TNNI3K: variants seen among roughly 807,000 people sequenced by gnomAD.
TNNI3K encodes TNNI3 interacting kinase.
Under a neutral mutation model 114.5 loss-of-function variants are expected in TNNI3K, and 140 were observed. The ratio of observed to expected loss-of-function variants is 1.22; its 90% confidence interval spans 1.07 to 1.41. The LOEUF (loss-of-function observed/expected upper bound fraction) is 1.41, where lower values mean the gene tolerates loss of function less well. TNNI3K is among the 40% of genes most tolerant of loss of function. The pLI is 0.00. For missense variants in TNNI3K, 1,125 were observed against 1,007.6 expected, an observed-to-expected ratio of 1.12 and a Z score of -1.58; for synonymous variants, 347 against 347.5, an observed-to-expected ratio of 1.00 and a Z score of 0.02.
chr1:74,350,433 A>G (rs902798861), intron 9 of TNNI3K, among the ~76,000 whole-genome samples: 1 of 152,150 alleles, frequency 6.6e-6, no homozygotes, highest in African/African-American at 2.4e-5. Context: ...GCTGAAAAGA[A>G]TGTATATTCT....
At chr1:74,540,564 T>C (rs560721083) in intron 24 of TNNI3K, among the ~76,000 whole-genome samples, 26 of 151,632 alleles carry the variant, frequency 1.7e-4, no homozygotes, top group Admixed American at 1.4e-3. Flanking sequence ...TGTGAGTGCC[T>C]GTATGTGTTT....
chr1:74,470,001 C>G, intron 21 of TNNI3K: 1 of 400,704 alleles, frequency 2.5e-6, no homozygotes, highest in East Asian at 3.6e-5. Flanking sequence ...CATTTTCTGC[C>G]TCAAAACTGT....
chr1:74,388,698 G>A (rs1351544213), intron 17 of TNNI3K, among the ~76,000 whole-genome samples: 1 of 152,022 alleles, frequency 6.6e-6, no homozygotes, highest in Middle Eastern at 3.2e-3. Flanking sequence ...ATATAACAAG[G>A]AAAACGGTTC....
intron 9 of TNNI3K, among the ~76,000 whole-genome samples, chr1:74,344,235 A>G (rs570258732): frequency 6.6e-6 from 1 of 152,336 alleles, no homozygotes; most frequent in African/African-American, 2.4e-5. Flanking sequence ...TAAAACCACC[A>G]TTTATGGAAT....
In TNNI3K at chr1:74,342,973, AC is replaced by A. The variant is rs1291679708; in HGVS notation, c.819del (p.Leu274TyrfsTer25). ...TCATGTTGTTAATATCTATGGAGAT[AC>A]CCCCTTACACCTGTGAGTATTATGT... Reference protein sequence around the residue: ...QPHVVNIYGDTPLHLACYNGK... With the variant: ...QPHVVNIYGDXPLHLACYNGK... On this transcript the variant is annotated frameshift_variant, in exon 8 of 25. Transcript: ENST00000326637. LOFTEE classifies it high-confidence loss of function. 3 of 1,613,808 alleles carry A rather than the reference AC, an allele frequency of 1.9e-6. No individual in the cohort carries two copies. Among genetic ancestry groups the A allele is most frequent in the South Asian group, 1.1e-5 (1 of 91,068 alleles).
chr1:74,538,007 A>T (rs1026239124), intron 23 of TNNI3K, among the ~76,000 whole-genome samples: 1 of 152,194 alleles, frequency 6.6e-6, no homozygotes, highest in East Asian at 1.9e-4. Context: ...ACTTGCCAAG[A>T]TAGTAAGTGA....
intron 21 of TNNI3K, chr1:74,470,914 T>C (rs1268697769): frequency 2.5e-6 from 1 of 400,614 alleles, no homozygotes; most frequent in East Asian, 3.6e-5. Flanking sequence ...CTCAGTGGAC[T>C]CCGTTGTCCC....
At chr1:74,524,805 G>A (rs1236894049) in intron 23 of TNNI3K, among the ~76,000 whole-genome samples, 2 of 152,116 alleles carry the variant, frequency 1.3e-5, no homozygotes, top group African/African-American at 4.8e-5. Context: ...GCCTCATGAA[G>A]GGGGACAGGC....
chr1:74,428,377 CAAA>C (rs564457767), intron 17 of TNNI3K, among the ~76,000 whole-genome samples: 99 of 152,162 alleles, frequency 6.5e-4, no homozygotes, highest in African/African-American at 2.3e-3. Flanking sequence ...TATATGAAGT[CAAA>C]CTAGGGTTGT....
chr1:74,248,968 G>T (rs376458875), intron 2 of TNNI3K, among the ~76,000 whole-genome samples: 4 of 152,150 alleles, frequency 2.6e-5, no homozygotes, highest in South Asian at 4.2e-4. Flanking sequence ...CAAAGGGGAA[G>T]GTCTTTCTTG....
chr1:74,269,985 A>C (rs532763996), intron 4 of TNNI3K, among the ~76,000 whole-genome samples: 1 of 151,976 alleles, frequency 6.6e-6, no homozygotes, highest in East Asian at 1.9e-4. Flanking sequence ...GAGAAGAAAG[A>C]GATGATCTAA....
At chr1:74,261,698 C>T (rs1570387940) in intron 4 of TNNI3K, among the ~76,000 whole-genome samples, 1 of 152,074 alleles carries the variant, frequency 6.6e-6, no homozygotes, top group African/African-American at 2.4e-5. Context: ...AACTCTCATT[C>T]AATACACAGA....
intron 7 of TNNI3K, 142 bp downstream of exon 7, chr1:74,336,291 C>A: frequency 9.1e-7 from 1 of 1,099,736 alleles, no homozygotes; most frequent in Non-Finnish European, 1.2e-6. Context: ...CATAATTCAT[C>A]TTTAATATAT....
At chr1:74,285,740 T>C (rs1256713916) in intron 5 of TNNI3K, among the ~76,000 whole-genome samples, 1 of 152,192 alleles carries the variant, frequency 6.6e-6, no homozygotes, top group Non-Finnish European at 1.5e-5. Context: ...TCAAGTGTTT[T>C]AGGAATTAAA....
At chr1:74,298,795 C>T (rs565013292) in intron 5 of TNNI3K, among the ~76,000 whole-genome samples, 8 of 152,084 alleles carry the variant, frequency 5.3e-5, no homozygotes, top group African/African-American at 1.9e-4. Context: ...AATAAATTTT[C>T]AACAAATATT....
intron 17 of TNNI3K, among the ~76,000 whole-genome samples, chr1:74,428,925 A>C (rs1036502606): frequency 2.0e-5 from 3 of 152,132 alleles, no homozygotes; most frequent in African/African-American, 7.2e-5. Flanking sequence ...CCTGGGCAAC[A>C]GAGTGAGACC....
chr1:74,309,260 C>T (rs1160377670), intron 5 of TNNI3K, among the ~76,000 whole-genome samples: 1 of 142,208 alleles, frequency 7.0e-6, no homozygotes, highest in Admixed American at 7.3e-5. Flanking sequence ...CCCAGCTACT[C>T]GGGAGGCTGA....
intron 21 of TNNI3K, among the ~76,000 whole-genome samples, chr1:74,465,943 C>T (rs1193792115): frequency 3.3e-5 from 5 of 152,194 alleles, no homozygotes; most frequent in Non-Finnish European, 5.9e-5. Flanking sequence ...CAGTAAGCCA[C>T]TCTGGTCATC....
intron 5 of TNNI3K, among the ~76,000 whole-genome samples, chr1:74,280,222 A>C (rs1174659694): frequency 6.6e-6 from 1 of 152,056 alleles, no homozygotes; most frequent in Non-Finnish European, 1.5e-5. Context: ...CTCTACTAAA[A>C]ATACAAAAAA....
Sources: gnomAD v4.1 joint callset for allele counts (sites outside exome capture counted in the v4.1 genomes callset) on GRCh38, gnomAD v4.1.1 for gene constraint, MANE v1.5 for transcripts, NCBI Gene and HGNC (gene_info 2026-07-23, HGNC 2026-07-21) for gene names.